MKRN1: variants seen among roughly 807,000 people sequenced by gnomAD.
The protein encoded by MKRN1 is E3 ubiquitin-protein ligase makorin-1.
A neutral mutation model predicts 55.5 loss-of-function variants in MKRN1; 9 were observed. The observed-to-expected ratio is 0.16, with a 90% CI of 0.10 to 0.28. MKRN1 has a LOEUF of 0.28. Ranked by LOEUF, MKRN1 falls within the 10% of genes least tolerant of loss-of-function variation. The probability of loss-of-function intolerance (pLI) is 1.00; values close to 1 mark genes in which losing one functional copy is unlikely to be tolerated. For missense variants in MKRN1, 488 were observed against 626.7 expected, an observed-to-expected ratio of 0.78 and a Z score of 2.36; for synonymous variants, 253 against 235.9, an observed-to-expected ratio of 1.07 and a Z score of -0.66.
intron 1 of MKRN1, 76 bp downstream of exon 1, chr7:140,479,084 C>T (rs1019660397): frequency 3.4e-5 from 42 of 1,247,606 alleles, no homozygotes; most frequent in Middle Eastern, 3.1e-4. Context: ...GGCCGGCCGC[C>T]CTCCTCCCTC....
In MKRN1 at chr7:140,454,573, C is replaced by A. The variant is rs1336549971; in HGVS notation, c.1393G>T (p.Asp465Tyr). ...TCATCATGAAACAAGTCCCACTCAT[C>A]TTCAGAGTCTGTTAGTTCGTCGTCC... ...GGDDELTDSE[D>Y]EWDLFHDELE... The change falls in exon 8 of 8, where the codon GAT becomes TAT. Residue 465 changes from aspartate (D) to tyrosine (Y), a missense_variant. Transcript: ENST00000255977. 6.2e-7 allele frequency: 1 copy of A among 1,613,494 alleles called. No homozygotes were observed. Among genetic ancestry groups the A allele is most frequent in the Non-Finnish European group, 8.5e-7 (1 of 1,179,886 alleles).
chr7:140,464,884 G>A (rs188793281), intron 2 of MKRN1, among the ~76,000 whole-genome samples: 6 of 152,084 alleles, frequency 3.9e-5, no homozygotes, highest in African/African-American at 1.4e-4. Context: ...TAACCTCCCT[G>A]GGCTCAGGTG....
In MKRN1 at chr7:140,454,316, G is replaced by T. The variant is rs1234203602; in HGVS notation, c.*201C>A. 3.4e-6 allele frequency: 2 copies of T among 596,180 alleles called. No individual in the cohort carries two copies. Among genetic ancestry groups the T allele is most frequent in the East Asian group, 2.8e-5 (1 of 35,596 alleles). 36.9% of individuals were successfully genotyped at this position (596,180 alleles called of 1,614,324 possible). A position where few individuals can be genotyped will look rare whatever the true frequency, so the allele number is the denominator to read the frequency against. Reference sequence around the variant, plus strand: ...AAAACTAACTTTAAGATTTATTTTTGTAACTTTTTTCAACAGGGAAAACAA... The same window carrying T: ...AAAACTAACTTTAAGATTTATTTTTTTAACTTTTTTCAACAGGGAAAACAA... On this transcript the variant is annotated 3_prime_UTR_variant, in exon 8 of 8. Coordinates refer to ENST00000255977, the MANE Select transcript of MKRN1 (RefSeq NM_013446.4).
At chr7:140,457,193 T>C (rs1794490366) in intron 4 of MKRN1, among the ~76,000 whole-genome samples, 1 of 152,182 alleles carries the variant, frequency 6.6e-6, no homozygotes, top group South Asian at 2.1e-4. Context: ...GTTTGTTATT[T>C]CTGGTTTCTA....
Position 140,455,096 on chromosome 7 carries a change from C to T in MKRN1, c.1235G>A (p.Arg412Gln), listed in dbSNP as rs201520447. Residue 412 changes from arginine (R) to glutamine (Q), a missense_variant and splice_region_variant, in exon 7 of 8, where the codon CGG (arginine) becomes CAG (glutamine). Transcript: ENST00000255977. ...RQKVGTSSRY[R>Q]AQRRNHFWEL... is the part of the protein sequence containing the mutation. Reference sequence around the variant, plus strand: ...CTTTAAAAAAACAGTGAGAGTTACCCGGTATCTGCTTGATGTTCCCACTTT... The same window carrying T: ...CTTTAAAAAAACAGTGAGAGTTACCTGGTATCTGCTTGATGTTCCCACTTT... The T allele has an allele frequency of 3.7e-6, 6 of 1,613,622 alleles. No individual in the cohort carries two copies. Among genetic ancestry groups the T allele is most frequent in the South Asian group, 1.1e-5 (1 of 91,044 alleles).
In MKRN1 at chr7:140,459,198, A is replaced by G. The variant is rs1231658205; in HGVS notation, c.580T>C (p.Ser194Pro). Residue 194 changes from serine to proline, a missense_variant, in exon 4 of 8, where the codon TCA (serine) becomes CCA (proline). By Grantham distance (74) the Ser-to-Pro change is moderately conservative. Transcript: ENST00000255977. ...PSCTEAPLQG[S>P]VTKEESEKEQ... The stretch of plus-strand genomic sequence containing the variant: ...TTCTCTGATTCTTCCTTGGTCACTG[A>G]GCCCTGCAGGGGTGCTTCAGTGCAG... 2 of 1,613,816 alleles carry G rather than the reference A, an allele frequency of 1.2e-6. No individual in the cohort carries two copies. Among genetic ancestry groups the G allele is most frequent in the Non-Finnish European group, 1.7e-6 (2 of 1,179,868 alleles).
At chr7:140,479,099 G>T in intron 1 of MKRN1, 61 bp downstream of exon 1, 1 of 1,254,920 alleles carries the variant, frequency 8.0e-7, no homozygotes, top group Non-Finnish European at 1.0e-6. Context: ...TCCCTCCCGC[G>T]CCGCAGGCTT....
At chr7:140,456,408 T>A in intron 5 of MKRN1, 1 of 1,348,604 alleles carries the variant, frequency 7.4e-7, no homozygotes, top group Non-Finnish European at 9.5e-7. Flanking sequence ...TTAAACACAA[T>A]CTCCTCAGAA....
At position 140,459,739 on chromosome 7, in the gene MKRN1, T is replaced by G; in HGVS notation, c.512A>C (p.Glu171Ala). 2 of 1,613,904 alleles carry G rather than the reference T, an allele frequency of 1.2e-6. No individual in the cohort carries two copies. Among genetic ancestry groups the G allele is most frequent in the Non-Finnish European group, 1.7e-6 (2 of 1,179,862 alleles). ...ACAGTAGGGTTGCCCAGGAACAAAC[T>G]CAATAGCATTCACCCAGTCCTCTGA... ...AGSEDWVNAIEFVPGQPYCGR... is the reference protein window; with the variant it reads ...AGSEDWVNAIAFVPGQPYCGR... The change falls in exon 3 of 8, where the codon GAG becomes GCG. Residue 171 changes from glutamate to alanine, a missense_variant. Coordinates refer to ENST00000255977, the MANE Select transcript of MKRN1 (RefSeq NM_013446.4).
intron 4 of MKRN1, 112 bp from the exon 5 acceptor site, chr7:140,456,978 T>C: frequency 9.0e-7 from 1 of 1,111,516 alleles, no homozygotes; most frequent in South Asian, 1.6e-5. Flanking sequence ...GAAAAAACAA[T>C]GTTCCCAAGC....
At chr7:140,468,638 T>A (rs779488455) in intron 2 of MKRN1, among the ~76,000 whole-genome samples, 14 of 136,362 alleles carry the variant, frequency 1.0e-4, no homozygotes, top group Non-Finnish European at 1.7e-4. Flanking sequence ...GAGTCGGAGG[T>A]TGCAGTGAGT....
chr7:140,475,980 AAC>A (rs1430489942), intron 1 of MKRN1, among the ~76,000 whole-genome samples: 1 of 152,190 alleles, frequency 6.6e-6, no homozygotes, highest in Non-Finnish European at 1.5e-5. Flanking sequence ...AAAGGTATAA[AAC>A]ACAATGAAAA....
At chr7:140,472,151 G>A (rs1794947276) in intron 1 of MKRN1, 140 bp from the exon 2 acceptor site, 2 of 1,173,892 alleles carry the variant, frequency 1.7e-6, no homozygotes, top group East Asian at 2.6e-5. Flanking sequence ...CAGGCATGGT[G>A]GCTCATGCCT....
chr7:140,479,078 G>C (rs1795210812), intron 1 of MKRN1, 82 bp downstream of exon 1: 2 of 1,238,080 alleles, frequency 1.6e-6, no homozygotes, highest in South Asian at 3.4e-5. Context: ...GCCGCAGGCC[G>C]GCCGCCCTCC....
chr7:140,479,018 A>T, intron 1 of MKRN1, 142 bp downstream of exon 1: 1 of 1,037,034 alleles, frequency 9.6e-7, no homozygotes, highest in Non-Finnish European at 1.2e-6. Flanking sequence ...GGGGGCCGCG[A>T]GGGCTGCAGA....
chr7:140,457,886 A>G (rs1198560353), intron 4 of MKRN1, among the ~76,000 whole-genome samples: 1 of 152,190 alleles, frequency 6.6e-6, no homozygotes, highest in African/African-American at 2.4e-5. Context: ...CTAAATTCAC[A>G]AAAGTACGCT....
At chr7:140,456,250 G>A (rs1794463098) in intron 5 of MKRN1, 1 of 1,142,798 alleles carries the variant, frequency 8.8e-7, no homozygotes, top group African/African-American at 1.6e-5. Context: ...TGTGGTTTTT[G>A]TTCAGTTATG....
At chr7:140,466,942 C>G (rs1309812319) in intron 2 of MKRN1, among the ~76,000 whole-genome samples, 1 of 150,482 alleles carries the variant, frequency 6.6e-6, no homozygotes, top group Non-Finnish European at 1.5e-5. Context: ...AAGAAAGAAA[C>G]AAACAACAAA....
chr7:140,455,586 AAC>A (rs2130241672), intron 6 of MKRN1: 3 of 578,972 alleles, frequency 5.2e-6, no homozygotes, highest in East Asian at 2.8e-5. Context: ...ACCTCTTTAT[AAC>A]ACAGTCCCTT....
Sources: allele counts gnomAD v4.1 joint callset (sites outside exome capture counted in the v4.1 genomes callset), GRCh38; gene constraint gnomAD v4.1.1; transcripts MANE v1.5; gene names NCBI Gene and HGNC (gene_info 2026-07-23, HGNC 2026-07-21).